Variants in AIFM1 observed in about 807,000 individuals in gnomAD.
AIFM1 encodes the protein apoptosis inducing factor mitochondria associated 1, also known as apoptosis-inducing factor 1, mitochondrial.
A neutral mutation model predicts 51.7 loss-of-function variants in AIFM1; 3 were observed. That is an observed-to-expected ratio of 0.06 (90% CI 0.03 to 0.15). The LOEUF is 0.15. Among genes scored for constraint, AIFM1 ranks in the 10% least tolerant of loss-of-function variants. The probability of loss-of-function intolerance (pLI) is 1.00; values close to 1 mark genes in which losing one functional copy is unlikely to be tolerated. For synonymous variants in AIFM1, 178 were observed against 179.4 expected (o/e 0.99, Z 0.06); for missense variants, 330 against 476.8 (o/e 0.69, Z 2.87).
chrX:130,163,447 T>A (rs1177514926), intron 1 of AIFM1, among the ~76,000 whole-genome samples: 2 of 111,344 alleles, frequency 1.8e-5, no homozygotes, highest in Non-Finnish European at 3.8e-5. Flanking sequence ...CAGTTAGGAA[T>A]CAAGCCACAA....
chrX:130,151,683 T>C (rs753211761), intron 2 of AIFM1, among the ~76,000 whole-genome samples: 14 of 112,370 alleles, frequency 1.2e-4, no homozygotes, highest in Non-Finnish European at 2.4e-4. Flanking sequence ...AGAGTTTTTA[T>C]CTTGGTATCA....
rs142674214 is a variant in AIFM1, at chrX:130,148,450, G to C, written c.350-574C>G. On this transcript the variant is annotated intron_variant, in intron 3 of 15. Coordinates refer to ENST00000287295, the MANE Select transcript of AIFM1 (RefSeq NM_004208.4). ...AATGGAAGTGATGGCTAGGGTATGT[G>C]CTTTAGGAAAGCAAATATACCTTTA... 1.1e-3 allele frequency among the ~76,000 whole-genome samples: 119 copies of C among 111,934 alleles called. 4 individuals carry two copies. The East Asian group carries it at 0.02, about 18-fold the overall frequency.
In AIFM1 at chrX:130,165,507, G is replaced by T. The variant is rs759132864; in HGVS notation, c.106+44C>A. 6.9e-5 allele frequency: 75 copies of T among 1,082,324 alleles called. No individual in the cohort carries two copies. In the Admixed American group the frequency reaches 1.8e-3, roughly 26 times the overall value. The allele number at this position is 1,082,324 out of a possible 1,213,427, so 89.2% of individuals were successfully genotyped here. A position where few individuals can be genotyped will look rare whatever the true frequency, so the allele number is the denominator to read the frequency against. ...CTGCAAGGCACAGGGAGCCTAAGGC[G>T]CCAGGCCCTCGGACTTGGAGGTTGC... is the stretch of plus-strand genomic sequence containing the variant. On this transcript the variant is annotated intron_variant, in intron 1 of 15. Coordinates refer to ENST00000287295, the MANE Select transcript of AIFM1 (RefSeq NM_004208.4).
At chrX:130,165,437 C>T in intron 1 of AIFM1, 114 bp downstream of exon 1, 2 of 646,136 alleles carry the variant, frequency 3.1e-6, no homozygotes, top group Non-Finnish European at 5.0e-6. Flanking sequence ...TTGGAATTCA[C>T]GTGACTATGT....
rs1217648919 is a variant in AIFM1 at position 130,136,656 on chromosome X, T to C, written c.1151A>G (p.Lys384Arg). ...VSSGKLLIKL[K>R]DGRKVETDHI... is the part of the protein sequence containing the mutation. ...TTCCTTCCTTACCTTCCTGCCGTCT[T>C]TCAGCTTGATAAGTAACTTGCCACT... The change falls in exon 11 of 16, where the codon AAA becomes AGA. Residue 384 changes from lysine (K) to arginine (R), a missense_variant. This residue lies in a region of AIFM1 where 152 missense variants were observed against 292.8 expected (regional missense o/e 0.52). Transcript: ENST00000287295. 5 of 1,208,094 alleles carry C rather than the reference T, an allele frequency of 4.1e-6. No homozygotes were observed. Among genetic ancestry groups the C allele is most frequent in the Non-Finnish European group, 5.6e-6 (5 of 894,285 alleles).
chrX:130,137,546 A>G, intron 9 of AIFM1: 1 of 1,164,709 alleles, frequency 8.6e-7, no homozygotes, highest in South Asian at 1.9e-5. Flanking sequence ...ACATTAAGAA[A>G]ACTAGTTGCC....
intron 5 of AIFM1, among the ~76,000 whole-genome samples, chrX:130,147,143 A>G (rs2030788379): frequency 8.9e-6 from 1 of 111,882 alleles, no homozygotes; most frequent in Non-Finnish European, 1.9e-5. Flanking sequence ...GCCTGGTGAC[A>G]GAGCAGCAAG....
At chrX:130,157,641 T>C (rs1008983414) in intron 1 of AIFM1, among the ~76,000 whole-genome samples, 4 of 112,184 alleles carry the variant, frequency 3.6e-5, no homozygotes, top group African/African-American at 1.3e-4. Context: ...ATAATTTTCA[T>C]GTGTCACGAA....
At chrX:130,131,139 G>A (rs992753855) in intron 14 of AIFM1, among the ~76,000 whole-genome samples, 1 of 111,007 alleles carries the variant, frequency 9.0e-6, no homozygotes, top group African/African-American at 3.3e-5. Context: ...TTCCAAGAGA[G>A]GTGCCTCCCA....
chrX:130,142,004 T>C, intron 6 of AIFM1, among the ~76,000 whole-genome samples: 1 of 111,944 alleles, frequency 8.9e-6, no homozygotes, highest in South Asian at 3.7e-4. Context: ...GTTAAGAGCT[T>C]GAGCTTTGGA....
chrX:130,147,660 A>T (rs770293097), intron 4 of AIFM1, 37 bp from the exon 5 acceptor site: 1 of 1,211,986 alleles, frequency 8.3e-7, no homozygotes, highest in Non-Finnish European at 1.1e-6. Context: ...ATCAGAGCCA[A>T]GTCATTTAAG....
intron 1 of AIFM1, among the ~76,000 whole-genome samples, chrX:130,160,415 C>A (rs945953541): frequency 1.8e-5 from 2 of 112,045 alleles, no homozygotes; most frequent in Non-Finnish European, 3.8e-5. Context: ...ACATACAATG[C>A]AATTTCTTCC....
chrX:130,141,555 C>T (rs1297171861), intron 6 of AIFM1, among the ~76,000 whole-genome samples: 1 of 111,952 alleles, frequency 8.9e-6, no homozygotes. Flanking sequence ...GTTCGTTCCC[C>T]CACACTCCAC....
chrX:130,164,224 G>A (rs1390987616), intron 1 of AIFM1, among the ~76,000 whole-genome samples: 1 of 108,815 alleles, frequency 9.2e-6, no homozygotes, highest in Admixed American at 9.8e-5. Flanking sequence ...CAAGCACAGA[G>A]CACCATCATT....
chrX:130,136,878 GGTT>G, intron 10 of AIFM1, 147 bp from the exon 11 acceptor site: 1 of 1,015,671 alleles, frequency 9.8e-7, no homozygotes, highest in Non-Finnish European at 1.4e-6. Flanking sequence ...CTACACCCAT[GGTT>G]CATTTTCAGC....
Position 130,160,450 on chromosome X carries a change from G to A in AIFM1, c.107-3847C>T, listed in dbSNP as rs190522582. 3.4e-3 allele frequency among the ~76,000 whole-genome samples: 383 copies of A among 112,257 alleles called. 3 individuals carry two copies. The highest frequency in any genetic ancestry group is 0.012 in the African/African-American group (368 of 30,872). On this transcript the variant is annotated intron_variant, in intron 1 of 15. Coordinates refer to ENST00000287295, the MANE Select transcript of AIFM1 (RefSeq NM_004208.4). ...CTCACACTTAGGATTTCATTCTTAA[G>A]AAGCCAGTTTGACCTGTGCAACAGC...
intron 1 of AIFM1, among the ~76,000 whole-genome samples, chrX:130,158,911 A>C (rs956098700): frequency 4.5e-5 from 5 of 110,253 alleles, no homozygotes; most frequent in South Asian, 3.8e-4. Context: ...TAGAGAAGGA[A>C]TTTCCCCCTT....
At chrX:130,165,463 G>A (rs1017908039) in intron 1 of AIFM1, 88 bp downstream of exon 1, 8 of 779,366 alleles carry the variant, frequency 1.0e-5, no homozygotes, top group Middle Eastern at 2.9e-4. Flanking sequence ...GTTTCTCGCG[G>A]GGACGCGGGG....
intron 12 of AIFM1, among the ~76,000 whole-genome samples, chrX:130,134,912 A>G (rs1398792935): frequency 9.0e-6 from 1 of 111,697 alleles, no homozygotes; most frequent in Non-Finnish European, 1.9e-5. Flanking sequence ...TAAGTGGAAA[A>G]GAGCAGAATA....
Sources: allele counts gnomAD v4.1 joint callset (sites outside exome capture counted in the v4.1 genomes callset), GRCh38; gene constraint gnomAD v4.1.1; regional missense constraint gnomAD v4.1.1; transcripts MANE v1.5; gene names NCBI Gene and HGNC (gene_info 2026-07-23, HGNC 2026-07-21).